The following RABGEF1 variants were observed in gnomAD, a reference collection of about 807,000 sequenced individuals.
The protein encoded by RABGEF1 is rab5 GDP/GTP exchange factor.
RABGEF1 carries 26 observed loss-of-function variants against 57.3 expected under a neutral mutation model. The ratio of observed to expected loss-of-function variants is 0.45; its 90% CI spans 0.33 to 0.63. The LOEUF is 0.63. Among genes scored for constraint, RABGEF1 ranks in the 20% least tolerant of loss-of-function variants. RABGEF1 has a pLI of 0.02. For synonymous variants in RABGEF1, 185 were observed against 210.7 expected (o/e 0.88, Z 1.06); for missense variants, 464 against 607.6 (o/e 0.76, Z 2.48).
chr7:66,753,793 G>A (rs1173021065), intron 1 of RABGEF1, among the ~76,000 whole-genome samples: 1 of 136,146 alleles, frequency 7.3e-6, no homozygotes, highest in African/African-American at 2.8e-5. Flanking sequence ...TGCAACCTCT[G>A]CCTCCCGGGT....
chr7:66,737,968 C>T (rs1798204235), upstream of RABGEF1, among the ~76,000 whole-genome samples: 2 of 151,894 alleles, frequency 1.3e-5, no homozygotes, highest in South Asian at 4.1e-4. Flanking sequence ...CTCATGAGGC[C>T]GCTCCGGTCT....
the RABGEF1 span, among the ~76,000 whole-genome samples, chr7:66,656,776 C>T: frequency 2.1e-4 from 30 of 146,000 alleles, 1 homozygote; most frequent in African/African-American, 5.8e-4. Flanking sequence ...GTCAAGATCA[C>T]GCCATTGCAC....
chr7:66,754,330 C>G (rs994946191), intron 1 of RABGEF1, among the ~76,000 whole-genome samples: 1 of 151,870 alleles, frequency 6.6e-6, no homozygotes, highest in African/African-American at 2.4e-5. Flanking sequence ...AGGAAATAGT[C>G]ACTGAGCACT....
chr7:66,705,876 ATTTTTTTTTTTTTTTTTTT>A (rs201838145), intron 1 of RABGEF1, among the ~76,000 whole-genome samples: 5 of 45,172 alleles, frequency 1.1e-4, no homozygotes, highest in Admixed American at 3.4e-4. Flanking sequence ...CACCCAGCTA[ATTTTTTTTTTTTTTTTTTT>A]TTTTTTTTTT....
chr7:66,804,462 C>T lies in RABGEF1; in HGVS notation c.821-678C>T, dbSNP rs1430755127. Among the ~76,000 whole-genome samples, 4 of 152,136 alleles carry T rather than the reference C, an allele frequency of 2.6e-5. No homozygotes were observed. In the East Asian group the frequency reaches 5.8e-4, roughly 22 times the overall value. On this transcript the variant is annotated intron_variant, in intron 7 of 8. Transcript: ENST00000284957. Reference sequence around the variant, plus strand: ...TTAGAAGTGTGGGCTTGGCCAGGCACGGTGGCTCACGCCTGTAATCCCAGC... The same window carrying T: ...TTAGAAGTGTGGGCTTGGCCAGGCATGGTGGCTCACGCCTGTAATCCCAGC...
At chr7:66,690,722 A>T (rs1015693294) in intron 1 of RABGEF1, among the ~76,000 whole-genome samples, 1 of 151,680 alleles carries the variant, frequency 6.6e-6, no homozygotes, top group Non-Finnish European at 1.5e-5. Context: ...TAAATAAATA[A>T]ATATTTTAAA....
intron 5 of RABGEF1, among the ~76,000 whole-genome samples, 160 bp from the exon 6 acceptor site, chr7:66,797,214 G>A (rs1480237810): frequency 1.3e-5 from 2 of 150,434 alleles, no homozygotes; most frequent in African/African-American, 2.4e-5. Context: ...TGAGGTAGGA[G>A]AATGGCTCGA....
chr7:66,732,649 C>T (rs1197497079), intron 2 of RABGEF1, among the ~76,000 whole-genome samples: 1 of 152,142 alleles, frequency 6.6e-6, no homozygotes, highest in African/African-American at 2.4e-5. Context: ...AGTTCCACTC[C>T]ATCATGAAAT....
intron 1 of RABGEF1, among the ~76,000 whole-genome samples, chr7:66,708,880 T>C (rs1794447648): frequency 6.6e-6 from 1 of 152,130 alleles, no homozygotes; most frequent in African/African-American, 2.4e-5. Context: ...CAAATTGTTA[T>C]TTATCATGAA....
intron 2 of RABGEF1, among the ~76,000 whole-genome samples, chr7:66,719,864 T>C (rs1325852501): frequency 2.6e-5 from 4 of 152,226 alleles, no homozygotes; most frequent in East Asian, 3.8e-4. Flanking sequence ...TTATATGGCC[T>C]GCAAAGCCTC....
At chr7:66,758,625 G>A (rs1803384248) in intron 1 of RABGEF1, among the ~76,000 whole-genome samples, 1 of 152,158 alleles carries the variant, frequency 6.6e-6, no homozygotes, top group Non-Finnish European at 1.5e-5. Context: ...GATCCCCCAT[G>A]TTTCTTCCTG....
the RABGEF1 span, among the ~76,000 whole-genome samples, chr7:66,670,215 G>A: frequency 6.6e-6 from 1 of 152,060 alleles, no homozygotes; most frequent in Admixed American, 6.6e-5. Context: ...CCTGGAATCT[G>A]TGTGTTTGCA....
At chr7:66,757,724 G>GGT (rs1302041430) in intron 1 of RABGEF1, among the ~76,000 whole-genome samples, 2 of 152,290 alleles carry the variant, frequency 1.3e-5, no homozygotes, top group African/African-American at 4.8e-5. Context: ...CCATTCTCCT[G>GGT]CCTCAGCCTC....
chr7:66,741,106 C>T (rs1798834911), intron 1 of RABGEF1, among the ~76,000 whole-genome samples: 1 of 152,038 alleles, frequency 6.6e-6, no homozygotes, highest in Non-Finnish European at 1.5e-5. Context: ...TCCTGGCCGC[C>T]TCCCTCTCCG....
intron 3 of RABGEF1, among the ~76,000 whole-genome samples, chr7:66,780,873 A>G (rs1222978430): frequency 6.6e-6 from 1 of 151,920 alleles, no homozygotes; most frequent in African/African-American, 2.4e-5. Flanking sequence ...GCTCTTTTTC[A>G]TTGTTTCAGA....
intron 1 of RABGEF1, among the ~76,000 whole-genome samples, chr7:66,703,920 G>A (rs1793646814): frequency 6.6e-6 from 1 of 152,168 alleles, no homozygotes; most frequent in African/African-American, 2.4e-5. Flanking sequence ...TCCAGTCTAT[G>A]AACATGGGAC....
chr7:66,768,448 GC>G (rs373433854), intron 1 of RABGEF1, among the ~76,000 whole-genome samples: 48 of 152,270 alleles, frequency 3.2e-4, no homozygotes, highest in African/African-American at 1.0e-3. Context: ...TAAGTTCTTT[GC>G]CAAATATGTG....
chr7:66,782,839 A>C (rs1177351754), intron 3 of RABGEF1, among the ~76,000 whole-genome samples: 2 of 152,152 alleles, frequency 1.3e-5, no homozygotes, highest in Non-Finnish European at 2.9e-5. Context: ...TTTGGAAATC[A>C]TTGGGATATG....
At chr7:66,657,888 T>C in the RABGEF1 span, among the ~76,000 whole-genome samples, 5 of 152,020 alleles carry the variant, frequency 3.3e-5, no homozygotes, top group Admixed American at 6.6e-5. Flanking sequence ...CACTATACCC[T>C]CTAAAGGATC....
Sources: allele counts gnomAD v4.1 joint callset (sites outside exome capture counted in the v4.1 genomes callset), GRCh38; gene constraint gnomAD v4.1.1; transcripts MANE v1.5; gene names NCBI Gene and HGNC (gene_info 2026-07-23, HGNC 2026-07-21).